The following KIAA1217 variants were observed in gnomAD, a reference collection of about 807,000 sequenced individuals.
The protein encoded by KIAA1217 is sickle tail protein homolog.
KIAA1217 carries 88 observed loss-of-function variants against 163.9 expected under a neutral mutation model. That is an observed-to-expected ratio of 0.54 (90% CI 0.45 to 0.64). The LOEUF (loss-of-function observed/expected upper bound fraction) is 0.64. KIAA1217 is among the 30% of genes least tolerant of loss of function. The probability of loss-of-function intolerance (pLI) is 0.00; values close to 1 mark genes in which losing one functional copy is unlikely to be tolerated. For synonymous variants in KIAA1217, 903 were observed against 923.1 expected (o/e 0.98, Z 0.39); for missense variants, 2,372 against 2,475.0 (o/e 0.96, Z 0.88).
chr10:24,448,580 G>A (rs923751182), intron 5 of KIAA1217, among the ~76,000 whole-genome samples: 4 of 152,142 alleles, frequency 2.6e-5, no homozygotes, highest in Non-Finnish European at 5.9e-5. Context: ...TAGAGACACA[G>A]TCTCCCTATG....
intron 2 of KIAA1217, among the ~76,000 whole-genome samples, chr10:24,017,124 G>A (rs1380338793): frequency 6.6e-6 from 1 of 150,652 alleles, no homozygotes; most frequent in African/African-American, 2.4e-5. Flanking sequence ...CACAGCATAG[G>A]TCACTACAGC....
At chr10:24,231,787 T>C (rs184599279) in intron 2 of KIAA1217, among the ~76,000 whole-genome samples, 1 of 151,848 alleles carries the variant, frequency 6.6e-6, no homozygotes, top group Non-Finnish European at 1.5e-5. Context: ...GACTGATTTA[T>C]TTTTCACTCT....
At chr10:23,833,441 C>A (rs1011540469) in intron 1 of KIAA1217, among the ~76,000 whole-genome samples, 1 of 151,110 alleles carries the variant, frequency 6.6e-6, no homozygotes, top group African/African-American at 2.4e-5. Flanking sequence ...CAAGATCATG[C>A]CACTGCACTC....
chr10:23,993,762 A>G (rs1846334985), intron 1 of KIAA1217, among the ~76,000 whole-genome samples: 1 of 151,458 alleles, frequency 6.6e-6, no homozygotes, highest in East Asian at 1.9e-4. Flanking sequence ...GATTTTTAGC[A>G]GAAAACGGGG....
At chr10:24,150,353 A>G (rs936706527) in intron 2 of KIAA1217, among the ~76,000 whole-genome samples, 3 of 152,202 alleles carry the variant, frequency 2.0e-5, no homozygotes, top group Non-Finnish European at 4.4e-5. Context: ...CAGTGTGACC[A>G]TATTTAAAAA....
At chr10:23,872,086 C>T (rs570643845) in intron 1 of KIAA1217, among the ~76,000 whole-genome samples, 2 of 152,038 alleles carry the variant, frequency 1.3e-5, no homozygotes, top group African/African-American at 2.4e-5. Context: ...GGAAAAAACA[C>T]TCCGCTCCCC....
rs200980900 is a variant in KIAA1217, at chr10:24,525,824, C to CA, written c.2898+1068dup. On this transcript the variant is annotated intron_variant, in intron 13 of 20. Coordinates refer to ENST00000376454, the MANE Select transcript of KIAA1217 (RefSeq NM_019590.5). Reference sequence around the variant, plus strand: ...CAACATGACAAAGTCCCAACTCTACCAAAAAAAATACAAAAATTAGCTGGG... The same window carrying CA: ...CAACATGACAAAGTCCCAACTCTACCAAAAAAAAATACAAAAATTAGCTGGG... 5.4e-5 allele frequency among the ~76,000 whole-genome samples: 8 copies of CA among 149,316 alleles called. No individual in the cohort carries two copies. In the South Asian group the frequency reaches 6.4e-4, roughly 12 times the overall value.
intron 1 of KIAA1217, among the ~76,000 whole-genome samples, chr10:23,811,899 C>T (rs559596941): frequency 2.0e-5 from 3 of 151,934 alleles, no homozygotes; most frequent in Non-Finnish European, 4.4e-5. Context: ...ATAGCAATAA[C>T]GGGGAGGAAT....
In KIAA1217 at chr10:24,426,819, G is replaced by A. The variant is rs75657077; in HGVS notation, c.554-6176G>A. Among the ~76,000 whole-genome samples the A allele has an allele frequency of 6.8e-3, 1,035 of 152,294 alleles. 14 individuals are homozygous for A. The highest frequency in any genetic ancestry group is 0.023 in the African/African-American group (975 of 41,560). On this transcript the variant is annotated intron_variant, in intron 3 of 20. Coordinates refer to ENST00000376454, the MANE Select transcript of KIAA1217 (RefSeq NM_019590.5). ...GCAGCGTGTGGGATGAATGTGCACC[G>A]TAAGAGGTCCAGTCCCACTGCGGTG...
intron 3 of KIAA1217, among the ~76,000 whole-genome samples, chr10:24,427,148 C>T (rs1388962744): frequency 6.6e-6 from 1 of 152,042 alleles, no homozygotes; most frequent in African/African-American, 2.4e-5. Flanking sequence ...CTGAGCATTG[C>T]AAGGTTCATA....
At chr10:24,125,213 AG>A (rs749244995) in intron 2 of KIAA1217, among the ~76,000 whole-genome samples, 3 of 152,170 alleles carry the variant, frequency 2.0e-5, no homozygotes, top group Non-Finnish European at 4.4e-5. Context: ...TGGAGGTTAC[AG>A]TGAGCTGAGA....
At chr10:24,445,832 A>G (rs1166670195) in intron 5 of KIAA1217, among the ~76,000 whole-genome samples, 2 of 152,060 alleles carry the variant, frequency 1.3e-5, no homozygotes, top group South Asian at 4.1e-4. Flanking sequence ...ATAGTGCCGC[A>G]ATAAACATAC....
chr10:23,891,998 A>T lies in KIAA1217; in HGVS notation c.-320-115227A>T, dbSNP rs184425131. ...TGTTTTCAAAGTTTTATCTAAGTAC[A>T]TGTCAGTTTTTCTCTAAAATTTATA... On this transcript the variant is annotated intron_variant, in intron 1 of 18. Coordinates refer to the KIAA1217 transcript ENST00000376462. Among the ~76,000 whole-genome samples the T allele has an allele frequency of 3.9e-5, 6 of 152,094 alleles. No individual in the cohort carries two copies. In the East Asian group the frequency reaches 1.2e-3, roughly 30 times the overall value.
intron 5 of KIAA1217, chr10:24,449,375 T>C (rs559026189): frequency 4.1e-6 from 3 of 731,156 alleles, no homozygotes; most frequent in East Asian, 2.6e-4. Flanking sequence ...ATGAGCCATA[T>C]TGTATTTATA....
At position 24,211,578 on chromosome 10, in the gene KIAA1217, T is replaced by A. The variant is rs938493019; in HGVS notation, c.70+2315T>A. Among the ~76,000 whole-genome samples the A allele has an allele frequency of 6.9e-5, 10 of 144,976 alleles. 1 individual carries two copies. The highest frequency in any genetic ancestry group is 2.6e-4 in the African/African-American group (10 of 38,410). On this transcript the variant is annotated intron_variant, in intron 1 of 20. Transcript: ENST00000376454. The stretch of plus-strand genomic sequence containing the variant: ...TTGTATTGTATTGTATTGTATTGTA[T>A]TGTATTGTATTGTATTTTATTTTAT...
At chr10:23,811,946 G>A (rs10828552) in intron 1 of KIAA1217, among the ~76,000 whole-genome samples, 30,921 of 151,960 alleles carry the variant, frequency 0.2, 3,333 homozygotes, top group Middle Eastern at 0.29. Flanking sequence ...TAAGCTTGAC[G>A]GGGTAGTGCA....
chr10:24,524,211 T>G, intron 12 of KIAA1217, 112 bp from the exon 13 acceptor site: 33 of 1,132,894 alleles, frequency 2.9e-5, no homozygotes, highest in Non-Finnish European at 3.8e-5. Context: ...GCGGCTACTC[T>G]GAGCTTTGGG....
chr10:24,418,468 C>T (rs2058449088), intron 3 of KIAA1217, among the ~76,000 whole-genome samples: 1 of 151,930 alleles, frequency 6.6e-6, no homozygotes. Flanking sequence ...AAAATTTATA[C>T]ACTTCACATT....
intron 2 of KIAA1217, among the ~76,000 whole-genome samples, chr10:24,048,729 CAA>C (rs544352537): frequency 8.9e-4 from 114 of 127,814 alleles, no homozygotes; most frequent in Non-Finnish European, 7.9e-4. Context: ...GACTCTGTCT[CAA>C]AAAAAAAAAA....
Sources: gnomAD v4.1 joint callset for allele counts (sites outside exome capture counted in the v4.1 genomes callset) on GRCh38, gnomAD v4.1.1 for gene constraint, MANE v1.5 for transcripts, NCBI Gene and HGNC (gene_info 2026-07-23, HGNC 2026-07-21) for gene names.